The following KCNN1 variants were observed in gnomAD, a reference collection of about 807,000 sequenced individuals.
KCNN1 encodes the protein potassium calcium-activated channel subfamily N member 1, also known as small conductance calcium-activated potassium channel protein 1.
In KCNN1, 20 loss-of-function variants were observed where a neutral mutation model predicts 44.7. The ratio of observed to expected loss-of-function variants is 0.45; its 90% CI spans 0.32 to 0.65. The LOEUF (loss-of-function observed/expected upper bound fraction) is 0.65, where lower values mean the gene tolerates loss of function less well. Among genes scored for constraint, KCNN1 ranks in the 30% least tolerant of loss-of-function variants. The pLI is 0.05. For synonymous variants in KCNN1, 324 were observed against 341.7 expected (o/e 0.95, Z 0.57); for missense variants, 632 against 785.3 (o/e 0.80, Z 2.33).
chr19:17,988,385 G>A lies in KCNN1; in HGVS notation c.1060-30G>A, dbSNP rs745434342. 24 of 1,576,528 alleles carry A rather than the reference G, an allele frequency of 1.5e-5. No individual in the cohort carries two copies. The East Asian group carries it at 3.0e-4, about 19-fold the overall frequency. ...GGAGGGAGTGACCTCAAGACAGGAC[G>A]CTGATGTGCCCCCTCTGCCCTGCAC... On this transcript the variant is annotated intron_variant, in intron 5 of 9. Transcript: ENST00000684775.
Position 17,974,300 on chromosome 19 carries a change from G to C in KCNN1, c.402+10G>C. On this transcript the variant is annotated intron_variant, in intron 2 of 9. Transcript: ENST00000684775. This position sits in a 1 kb window ranked among gnomAD's most constrained non-coding sequence, Gnocchi z 7.3. ...GGGGGTGTACACCAAGGTAGGCGTG[G>C]TCCTCCCCCAGGCACTCCAGGGAGG... 1.3e-6 allele frequency: 2 copies of C among 1,547,846 alleles called. No homozygotes were observed. The highest frequency in any genetic ancestry group is 1.7e-6 in the Non-Finnish European group (2 of 1,145,106).
chr19:17,970,886 AT>A (rs748603717), intron 1 of KCNN1, among the ~76,000 whole-genome samples: 1,529 of 136,468 alleles, frequency 0.011, 16 homozygotes, highest in African/African-American at 0.032. Flanking sequence ...AGTGTAGCTC[AT>A]TTTTTTTTTT....
chr19:17,973,257 T>G (rs1157675427), intron 1 of KCNN1, among the ~76,000 whole-genome samples: 1 of 152,108 alleles, frequency 6.6e-6, no homozygotes, highest in Non-Finnish European at 1.5e-5. Flanking sequence ...TGTGCACCAC[T>G]GGGCCCAGCT....
chr19:17,985,997 A>G (rs1487384936), intron 5 of KCNN1, among the ~76,000 whole-genome samples: 1 of 152,132 alleles, frequency 6.6e-6, no homozygotes, highest in Non-Finnish European at 1.5e-5. Flanking sequence ...TGGGAGGCCA[A>G]GGTGGGCAGA....
intron 2 of KCNN1, among the ~76,000 whole-genome samples, chr19:17,957,919 C>T (rs2031583548): frequency 6.6e-6 from 1 of 151,938 alleles, no homozygotes; most frequent in African/African-American, 2.4e-5. Context: ...CAGGGTAGAG[C>T]CTCAGATGGA....
intron 2 of KCNN1, among the ~76,000 whole-genome samples, chr19:17,960,367 C>T (rs1449566868): frequency 2.6e-5 from 4 of 151,914 alleles, no homozygotes; most frequent in South Asian, 4.2e-4. Flanking sequence ...GGGTGGCTCA[C>T]GGCTGTAATC....
At chr19:17,956,157 C>T (rs1268262546) in intron 2 of KCNN1, among the ~76,000 whole-genome samples, 4 of 152,122 alleles carry the variant, frequency 2.6e-5, no homozygotes, top group African/African-American at 7.2e-5. Context: ...GGGCTGGTCT[C>T]GAACTCCTGA....
intron 3 of KCNN1, among the ~76,000 whole-genome samples, chr19:17,975,703 C>CA (rs1405149514): frequency 6.6e-6 from 1 of 151,668 alleles, no homozygotes; most frequent in Non-Finnish European, 1.5e-5. Context: ...TTACAGGTGT[C>CA]AGCCACTGCT....
chr19:17,961,943 TG>T (rs988018037), intron 2 of KCNN1, among the ~76,000 whole-genome samples: 1 of 152,120 alleles, frequency 6.6e-6, no homozygotes, highest in East Asian at 1.9e-4. Context: ...ACTCAAATTT[TG>T]GGGGGTCACG....
chr19:17,961,862 T>C (rs1055946602), intron 2 of KCNN1, among the ~76,000 whole-genome samples: 1 of 152,166 alleles, frequency 6.6e-6, no homozygotes, highest in Non-Finnish European at 1.5e-5. Context: ...GTGCTGGGAT[T>C]ACAGGCATGA....
chr19:17,982,194 T>G, intron 4 of KCNN1, 67 bp downstream of exon 4: 1 of 1,285,750 alleles, frequency 7.8e-7, no homozygotes, highest in South Asian at 1.5e-5. Context: ...CCATGCCCAT[T>G]CATGATTTCA....
chr19:17,962,010 C>T (rs1673203901), intron 2 of KCNN1, among the ~76,000 whole-genome samples: 1 of 152,230 alleles, frequency 6.6e-6, no homozygotes. Flanking sequence ...CAAACCTTTG[C>T]TCCTCTATGG....
Position 17,974,375 on chromosome 19 carries a change from G to C in KCNN1, c.402+85G>C. 7.0e-7 allele frequency: 1 copy of C among 1,426,460 alleles called. No homozygotes were observed. The highest frequency in any genetic ancestry group is 9.3e-7 in the Non-Finnish European group (1 of 1,080,218). 88.4% of individuals were successfully genotyped at this position (1,426,460 alleles called of 1,614,324 possible). The stretch of plus-strand genomic sequence containing the variant: ...TTGACATGGGGTTGGGGGTGGCAGG[G>C]CCCCCCGGGAGATAGGGAGTGTTAG... On this transcript the variant is annotated intron_variant, in intron 2 of 9. Coordinates refer to ENST00000684775, the MANE Select transcript of KCNN1 (RefSeq NM_001386974.1). This position sits in a 1 kb window ranked among gnomAD's most constrained non-coding sequence, Gnocchi z 7.3.
chr19:17,972,625 G>A (rs1220803903), intron 1 of KCNN1, among the ~76,000 whole-genome samples: 3 of 152,130 alleles, frequency 2.0e-5, no homozygotes, highest in Non-Finnish European at 2.9e-5. Flanking sequence ...TCCTGCCCAG[G>A]CAGGAGGGAG....
chr19:17,953,226 G>C (rs1253999080), intron 1 of KCNN1, among the ~76,000 whole-genome samples: 1 of 152,200 alleles, frequency 6.6e-6, no homozygotes, highest in Non-Finnish European at 1.5e-5. Context: ...GGAAATCCCT[G>C]GGGGGAGGGG....
chr19:17,985,297 C>G lies in KCNN1; in HGVS notation c.918-15C>G, dbSNP rs747991881. The G allele has an allele frequency of 6.3e-7, 1 of 1,579,948 alleles. No homozygotes were observed. The highest frequency in any genetic ancestry group is 2.3e-5 in the East Asian group (1 of 44,374). On this transcript the variant is annotated splice_polypyrimidine_tract_variant and intron_variant, in intron 4 of 9. Coordinates refer to ENST00000684775, the MANE Select transcript of KCNN1 (RefSeq NM_001386974.1). Reference sequence around the variant, plus strand: ...ATAGACTGAGCCCTCCCTCTTCCCACTCTGGCTCCCCCAGGTACCACGACA... The same window carrying G: ...ATAGACTGAGCCCTCCCTCTTCCCAGTCTGGCTCCCCCAGGTACCACGACA...
intron 6 of KCNN1, 120 bp from the exon 7 acceptor site, chr19:17,989,596 C>T (rs1232643943): frequency 2.8e-6 from 4 of 1,422,720 alleles, no homozygotes; most frequent in Non-Finnish European, 3.9e-6. Context: ...GCCTTATAGC[C>T]CAGGGACCCT....
intron 3 of KCNN1, 86 bp from the exon 4 acceptor site, chr19:17,981,623 G>T: frequency 8.3e-7 from 1 of 1,206,968 alleles, no homozygotes; most frequent in Non-Finnish European, 1.1e-6. Flanking sequence ...CCAGGCTGAC[G>T]TCACTCTCTG....
At chr19:17,967,070 C>T (rs1158857485), upstream of KCNN1, 22 of 972,414 alleles carry the variant, frequency 2.3e-5, no homozygotes, top group Non-Finnish European at 2.7e-5. Flanking sequence ...GGCGGCGGCT[C>T]CCGCGTCGCA....
Sources: gnomAD v4.1 joint callset for allele counts (sites outside exome capture counted in the v4.1 genomes callset) on GRCh38, gnomAD v4.1.1 for gene constraint, Gnocchi (gnomAD v3.1) non-coding constraint, MANE v1.5 for transcripts, NCBI Gene and HGNC (gene_info 2026-07-23, HGNC 2026-07-21) for gene names.